CDC40: variants seen among roughly 807,000 people sequenced by gnomAD.
The protein encoded by CDC40 is cell division cycle 40.
In CDC40, 27 loss-of-function variants were observed where a neutral mutation model predicts 80.6. The observed-to-expected ratio is 0.33, with a 90% confidence interval of 0.25 to 0.46. The LOEUF is 0.46. Among genes scored for constraint, CDC40 ranks in the 20% least tolerant of loss-of-function variants. The probability of loss-of-function intolerance (pLI) is 1.00; values close to 1 mark genes in which losing one functional copy is unlikely to be tolerated. For synonymous variants in CDC40, 221 were observed against 232.6 expected, an observed-to-expected ratio of 0.95 and a Z score of 0.45; for missense variants, 486 against 694.1, an observed-to-expected ratio of 0.70 and a Z score of 3.37.
At position 110,210,783 on chromosome 6, in the gene CDC40, A is replaced by G. The variant is rs1777628166; in HGVS notation, c.707A>G (p.Glu236Gly). 1 of 1,565,414 alleles carries G rather than the reference A, an allele frequency of 6.4e-7. No homozygotes were observed. The highest frequency in any genetic ancestry group is 1.4e-5 in the African/African-American group (1 of 72,220). Residue 236 changes from glutamate to glycine, a missense_variant, in exon 6 of 15, where the codon GAG becomes GGG. Physicochemically the swap from Glu to Gly is moderately conservative, Grantham distance 98. Transcript: ENST00000307731. ...KGKQEEEKPG[E>G]EKTILHVKEM... ...AAACAGGAAGAAGAGAAACCTGGGG[A>G]GGAGAAGACAATCTTACATGGTAAC...
chr6:110,195,247 A>T (rs760021333), intron 2 of CDC40, among the ~76,000 whole-genome samples: 4 of 152,202 alleles, frequency 2.6e-5, no homozygotes, highest in Non-Finnish European at 5.9e-5. Context: ...CCATTGTTAG[A>T]AACAAGATAT....
At chr6:110,190,893 C>T (rs1158522569) in intron 1 of CDC40, among the ~76,000 whole-genome samples, 1 of 152,160 alleles carries the variant, frequency 6.6e-6, no homozygotes, top group African/African-American at 2.4e-5. Flanking sequence ...AGCTGATCTC[C>T]CCCAACCCTT....
chr6:110,202,072 T>A (rs1437006264), intron 3 of CDC40, among the ~76,000 whole-genome samples: 2 of 152,342 alleles, frequency 1.3e-5, no homozygotes, highest in South Asian at 2.1e-4. Flanking sequence ...AACTTTACTC[T>A]GTTTCTCAAA....
intron 1 of CDC40, among the ~76,000 whole-genome samples, chr6:110,186,507 A>ATAC (rs542927392): frequency 0.039 from 5,853 of 151,972 alleles, 128 homozygotes; most frequent in East Asian, 0.11. Context: ...TAAATAAATA[A>ATAC]ATACATAAAA....
At position 110,219,461 on chromosome 6, in the gene CDC40, T is replaced by C; in HGVS notation, c.1188T>C (p.Ser396=). Residue 396 remains serine, a synonymous_variant, in exon 11 of 15, where the codon TCT becomes TCC. Coordinates refer to ENST00000307731, the MANE Select transcript of CDC40 (RefSeq NM_015891.3). ...AAAATCTCTTTGTGGCTGGGATGTC[T>C]GATAAGAAGATTGTGCAAGTAAGTC... ...DKQNLFVAGM[S]DKKIVQWDIR... The C allele has an allele frequency of 1.3e-6, 2 of 1,590,742 alleles. No homozygotes were observed. The highest frequency in any genetic ancestry group is 2.2e-5 in the East Asian group (1 of 44,698).
chr6:110,222,681 T>A (rs138104370), intron 12 of CDC40, among the ~76,000 whole-genome samples: 1 of 152,358 alleles, frequency 6.6e-6, no homozygotes, highest in African/African-American at 2.4e-5. Flanking sequence ...CACACTGTCA[T>A]TGGCTTTCCA....
At chr6:110,194,021 G>C (rs1777386384) in intron 2 of CDC40, among the ~76,000 whole-genome samples, 1 of 152,260 alleles carries the variant, frequency 6.6e-6, no homozygotes, top group East Asian at 1.9e-4. Context: ...AGTAGTCACA[G>C]TGTTTGATGC....
rs1432724493 is a variant in CDC40, at chr6:110,230,359, A to G, written c.*228A>G. The G allele has an allele frequency of 1.9e-5, 8 of 415,912 alleles. No individual in the cohort carries two copies. Among genetic ancestry groups the G allele is most frequent in the Admixed American group, 4.3e-5 (1 of 23,218 alleles). 25.8% of individuals were successfully genotyped at this position (415,912 alleles called of 1,614,324 possible). On this transcript the variant is annotated 3_prime_UTR_variant, in exon 15 of 15. Coordinates refer to ENST00000307731, the MANE Select transcript of CDC40 (RefSeq NM_015891.3). ...GTGGCTATTGACTTTCTATTTGACA[A>G]GTAGTTATAATTGGCAAGCAGTTTG...
chr6:110,212,305 T>C (rs749183750), intron 7 of CDC40, 33 bp downstream of exon 7: 1 of 1,607,898 alleles, frequency 6.2e-7, no homozygotes, highest in Non-Finnish European at 8.5e-7. Context: ...TTTGCTGTAA[T>C]GTTATAATAA....
intron 1 of CDC40, among the ~76,000 whole-genome samples, chr6:110,190,095 G>A (rs1002319436): frequency 2.6e-5 from 4 of 152,186 alleles, no homozygotes; most frequent in Non-Finnish European, 5.9e-5. Context: ...GATATATGAT[G>A]TACATAAAAG....
chr6:110,217,729 G>C lies in CDC40; in HGVS notation c.1016G>C (p.Cys339Ser). 6.2e-7 allele frequency: 1 copy of C among 1,601,912 alleles called. No homozygotes were observed. The highest frequency in any genetic ancestry group is 8.6e-7 in the Non-Finnish European group (1 of 1,169,116). The change falls in exon 10 of 15, where the codon TGC becomes TCC. Residue 339 changes from cysteine (C) to serine (S), a missense_variant. Coordinates refer to ENST00000307731, the MANE Select transcript of CDC40 (RefSeq NM_015891.3). ...IGHSKAVRDICFNTAGTQFLS... is the reference protein window; with the variant it reads ...IGHSKAVRDISFNTAGTQFLS... ...CACAGTAAGGCTGTTAGGGATATCT[G>C]CTTCAATACTGCAGGAACACAGTTC...
chr6:110,223,811 T>G (rs914269749), intron 12 of CDC40, among the ~76,000 whole-genome samples: 2 of 140,632 alleles, frequency 1.4e-5, no homozygotes, highest in Non-Finnish European at 3.2e-5. Context: ...GGTTTTGTTT[T>G]GTTTTGTTTT....
intron 12 of CDC40, chr6:110,224,392 T>G (rs905186825): frequency 6.6e-6 from 1 of 152,136 alleles, no homozygotes; most frequent in African/African-American, 2.4e-5. Context: ...GTTTATTTAT[T>G]TATTTTTGTG....
chr6:110,204,977 T>G (rs1346914203), intron 3 of CDC40, among the ~76,000 whole-genome samples: 2 of 152,142 alleles, frequency 1.3e-5, no homozygotes, highest in Non-Finnish European at 2.9e-5. Flanking sequence ...CTATTTCTCT[T>G]CATCAAAGAT....
rs117571634 is a variant in CDC40 at position 110,214,487 on chromosome 6, G to C, written c.943-799G>C. ...AACAGGAGTAGAGTATGCTTGAAAA[G>C]AGAATGGATCAGCATGGTGTGTGCT... On this transcript the variant is annotated intron_variant, in intron 8 of 14. Transcript: ENST00000307731. Among the ~76,000 whole-genome samples the C allele has an allele frequency of 2.2e-4, 34 of 152,316 alleles. No homozygotes were observed. In the East Asian group the frequency reaches 6.2e-3, roughly 28 times the overall value.
At chr6:110,181,031 C>T (rs1777179942) in intron 1 of CDC40, among the ~76,000 whole-genome samples, 1 of 152,200 alleles carries the variant, frequency 6.6e-6, no homozygotes. Flanking sequence ...AATCCTGGCA[C>T]CACCACTTGT....
intron 1 of CDC40, among the ~76,000 whole-genome samples, chr6:110,184,305 T>G (rs1291239467): frequency 6.6e-6 from 1 of 152,178 alleles, no homozygotes; most frequent in Non-Finnish European, 1.5e-5. Context: ...GTTGGGATTT[T>G]GTTTGGGAGT....
chr6:110,186,563 G>A (rs887936293), intron 1 of CDC40, among the ~76,000 whole-genome samples: 3 of 152,142 alleles, frequency 2.0e-5, no homozygotes, highest in Admixed American at 6.5e-5. Context: ...TCACTGGGTT[G>A]TTTCCTTAGC....
At chr6:110,194,166 T>C (rs966923762) in intron 2 of CDC40, among the ~76,000 whole-genome samples, 1 of 152,148 alleles carries the variant, frequency 6.6e-6, no homozygotes, top group African/African-American at 2.4e-5. Flanking sequence ...AAAGATTAAA[T>C]TTCTAGATAT....
Sources: gnomAD v4.1 joint callset for allele counts (sites outside exome capture counted in the v4.1 genomes callset) on GRCh38, gnomAD v4.1.1 for gene constraint, MANE v1.5 for transcripts, NCBI Gene and HGNC (gene_info 2026-07-23, HGNC 2026-07-21) for gene names.